The following ADGRV1 variants were observed in gnomAD, a reference collection of about 807,000 sequenced individuals.
ADGRV1 encodes adhesion G protein-coupled receptor V1.
Under a neutral mutation model 596.2 loss-of-function variants are expected in ADGRV1, and 359 were observed. That is an observed-to-expected ratio of 0.60 (90% confidence interval 0.55 to 0.66). The LOEUF (loss-of-function observed/expected upper bound fraction) is 0.66. Among genes scored for constraint, ADGRV1 ranks in the 30% least tolerant of loss-of-function variants. The pLI is 0.00. For synonymous variants in ADGRV1, 2,681 were observed against 2,679.2 expected (o/e 1.00, Z -0.02); for missense variants, 7,274 against 7,575.6 (o/e 0.96, Z 1.48).
intron 83 of ADGRV1, among the ~76,000 whole-genome samples, chr5:90,962,719 A>G (rs936437291): frequency 1.3e-5 from 2 of 152,222 alleles, no homozygotes; most frequent in Non-Finnish European, 2.9e-5. Context: ...TCTCCTGTAC[A>G]GACAGAAGCA....
At chr5:90,930,353 A>AT (rs1459366480) in intron 83 of ADGRV1, among the ~76,000 whole-genome samples, 2 of 152,336 alleles carry the variant, frequency 1.3e-5, no homozygotes, top group Admixed American at 6.5e-5. Context: ...GAAATAGTGA[A>AT]TGAGAATGCC....
chr5:91,047,899 T>C (rs574287000), intron 85 of ADGRV1, among the ~76,000 whole-genome samples: 23 of 152,340 alleles, frequency 1.5e-4, no homozygotes, highest in African/African-American at 5.5e-4. Flanking sequence ...GTGATTACTG[T>C]AAATCACAAA....
intron 83 of ADGRV1, among the ~76,000 whole-genome samples, chr5:90,871,021 C>T (rs982821213): frequency 1.1e-4 from 16 of 152,046 alleles, no homozygotes; most frequent in African/African-American, 3.4e-4. Flanking sequence ...TTTCTTTTTG[C>T]ATTTCTTGAA....
chr5:90,909,353 G>C (rs1002433785), intron 83 of ADGRV1, among the ~76,000 whole-genome samples: 1 of 152,132 alleles, frequency 6.6e-6, no homozygotes, highest in Non-Finnish European at 1.5e-5. Context: ...CTCTCTGCCT[G>C]TTTGATTTCT....
At chr5:91,094,306 A>G (rs915868410) in intron 86 of ADGRV1, among the ~76,000 whole-genome samples, 2 of 152,016 alleles carry the variant, frequency 1.3e-5, no homozygotes, top group Admixed American at 1.3e-4. Flanking sequence ...TAAAAACACA[A>G]AAATTAGCTG....
chr5:90,687,004 A>G (rs1379795508), intron 29 of ADGRV1, among the ~76,000 whole-genome samples: 1 of 152,114 alleles, frequency 6.6e-6, no homozygotes, highest in African/African-American at 2.4e-5. Flanking sequence ...TTGGCTGCAT[A>G]AATGTCTTCT....
chr5:90,814,838 G>A (rs1762752773), intron 74 of ADGRV1, among the ~76,000 whole-genome samples: 1 of 152,080 alleles, frequency 6.6e-6, no homozygotes, highest in Admixed American at 6.6e-5. Flanking sequence ...ATTGCTTCTA[G>A]GACCAATGCA....
intron 34 of ADGRV1, among the ~76,000 whole-genome samples, chr5:90,703,247 T>G (rs1748140283): frequency 1.3e-5 from 2 of 152,080 alleles, no homozygotes; most frequent in South Asian, 4.1e-4. Flanking sequence ...ATGCATGCAT[T>G]GTGTAAAATC....
At chr5:90,925,531 G>A (rs1394671124) in intron 83 of ADGRV1, among the ~76,000 whole-genome samples, 5 of 152,118 alleles carry the variant, frequency 3.3e-5, no homozygotes, top group Admixed American at 6.5e-5. Context: ...GAGATTTTGG[G>A]CTGAGACAGT....
At chr5:90,628,274 T>C (rs952940981) in intron 7 of ADGRV1, among the ~76,000 whole-genome samples, 2 of 94,076 alleles carry the variant, frequency 2.1e-5, no homozygotes, top group Non-Finnish European at 4.2e-5. Flanking sequence ...TAGCTGAGTG[T>C]GGTGGTGTCC....
intron 70 of ADGRV1, 142 bp from the exon 71 acceptor site, chr5:90,802,596 GT>G: frequency 1.5e-6 from 1 of 670,198 alleles, no homozygotes. Flanking sequence ...CTGGTGGTTT[GT>G]TTTGTGATGG....
chr5:91,082,346 A>C (rs957993617), intron 86 of ADGRV1, among the ~76,000 whole-genome samples: 4 of 151,962 alleles, frequency 2.6e-5, no homozygotes, highest in African/African-American at 9.7e-5. Flanking sequence ...TTTTTTTCTG[A>C]GACAGAGTCT....
chr5:90,884,514 A>G (rs1770099467), intron 83 of ADGRV1, among the ~76,000 whole-genome samples: 1 of 152,118 alleles, frequency 6.6e-6, no homozygotes. Context: ...ACATTTTTAC[A>G]GTATTGTTTT....
At chr5:90,856,529 G>A (rs772425633) in intron 82 of ADGRV1, among the ~76,000 whole-genome samples, 3 of 151,942 alleles carry the variant, frequency 2.0e-5, no homozygotes, top group Non-Finnish European at 2.9e-5. Context: ...TTATATGGTC[G>A]GGCATCTGAG....
At chr5:90,882,667 G>C (rs999240713) in intron 83 of ADGRV1, among the ~76,000 whole-genome samples, 2 of 152,112 alleles carry the variant, frequency 1.3e-5, no homozygotes, top group African/African-American at 4.8e-5. Context: ...AAAGTGCTGA[G>C]TTTGCATTTC....
chr5:90,764,603 G>A (rs1014136680), intron 59 of ADGRV1, among the ~76,000 whole-genome samples: 16 of 152,228 alleles, frequency 1.1e-4, no homozygotes, highest in African/African-American at 3.9e-4. Context: ...TGTCCCAAGG[G>A]GACTTTGATG....
chr5:90,626,693 G>A (rs117443074), intron 6 of ADGRV1: 1 of 152,188 alleles, frequency 6.6e-6, no homozygotes, highest in Admixed American at 6.5e-5. Context: ...TTTCTCCAGA[G>A]AGGCATGATG....
At chr5:90,718,624 G>GT (rs1278043104) in intron 43 of ADGRV1, among the ~76,000 whole-genome samples, 2 of 151,126 alleles carry the variant, frequency 1.3e-5, no homozygotes, top group East Asian at 1.9e-4. Flanking sequence ...CATTGTCATG[G>GT]TTTTTTTTCA....
Position 90,783,840 on chromosome 5 carries a change from A to C in ADGRV1, c.13436A>C (p.Glu4479Ala), listed in dbSNP as rs757148920. The part of the protein sequence containing the change: ...NISIIDDNES[E>A]FEEPIEILLT... ...AATTGCTCCTTCTTGCCATGCAGTG[A>C]ATTTGAGGAGCCCATTGAAATTCTA... Residue 4479 changes from glutamate (E) to alanine (A), a missense_variant and splice_region_variant, in exon 67 of 90, where the codon GAA becomes GCA. By Grantham distance (107) the Glu-to-Ala change is moderately radical. Coordinates refer to ENST00000405460, the MANE Select transcript of ADGRV1 (RefSeq NM_032119.4). 5 of 1,601,752 alleles carry C rather than the reference A, an allele frequency of 3.1e-6. No individual in the cohort carries two copies. The highest frequency in any genetic ancestry group is 1.1e-5 in the South Asian group (1 of 88,542).
Sources: allele counts gnomAD v4.1 joint callset (sites outside exome capture counted in the v4.1 genomes callset), GRCh38; gene constraint gnomAD v4.1.1; transcripts MANE v1.5; gene names NCBI Gene and HGNC (gene_info 2026-07-23, HGNC 2026-07-21).